Variants in AVEN observed in about 807,000 individuals in gnomAD.
The protein encoded by AVEN is cell death regulator Aven.
Under a neutral mutation model 38.1 loss-of-function variants are expected in AVEN, and 41 were observed. That is an observed-to-expected ratio of 1.08 (90% CI 0.84 to 1.40). The LOEUF (loss-of-function observed/expected upper bound fraction) is 1.40. Among genes scored for constraint, AVEN ranks in the 40% most tolerant of loss-of-function variants. The pLI is 0.00. For synonymous variants in AVEN, 206 were observed against 171.8 expected, an observed-to-expected ratio of 1.20 and a Z score of -1.56; for missense variants, 605 against 438.8, an observed-to-expected ratio of 1.38 and a Z score of -3.38.
At chr15:33,886,205 A>T (rs202048704) in intron 2 of AVEN, among the ~76,000 whole-genome samples, 285 of 152,232 alleles carry the variant, frequency 1.9e-3, no homozygotes, top group South Asian at 5.8e-3. Flanking sequence ...TAGTTCCCAT[A>T]ATCCCCACGA....
chr15:34,035,143 C>T lies in AVEN; in HGVS notation c.267+3637G>A, dbSNP rs1366713165. Among the ~76,000 whole-genome samples, 7 of 152,304 alleles carry T rather than the reference C, an allele frequency of 4.6e-5. No individual in the cohort carries two copies. In the East Asian group the frequency reaches 1.3e-3, roughly 29 times the overall value. On this transcript the variant is annotated intron_variant, in intron 1 of 5. Coordinates refer to ENST00000306730, the MANE Select transcript of AVEN (RefSeq NM_020371.3). ...CAACGCCATCGGGTATTAATTACTA[C>T]TCAGGCTTTGTTTACAAAGCAAAAG...
At chr15:34,043,188 A>G (rs911773950), upstream of AVEN, among the ~76,000 whole-genome samples, 1 of 151,000 alleles carries the variant, frequency 6.6e-6, no homozygotes, top group African/African-American at 2.4e-5. Flanking sequence ...CAGAGCTTGC[A>G]GTGAGCCGAG....
chr15:33,919,302 A>T (rs1248757373), intron 2 of AVEN, among the ~76,000 whole-genome samples: 1 of 152,206 alleles, frequency 6.6e-6, no homozygotes, highest in Non-Finnish European at 1.5e-5. Context: ...TCAATACTCC[A>T]AATTTCAATA....
At chr15:33,920,391 T>G (rs1893348910) in intron 2 of AVEN, among the ~76,000 whole-genome samples, 1 of 152,220 alleles carries the variant, frequency 6.6e-6, no homozygotes, top group Admixed American at 6.5e-5. Flanking sequence ...TCTATCAATT[T>G]GACTTCTTCA....
intron 2 of AVEN, among the ~76,000 whole-genome samples, chr15:33,890,977 TGC>T (rs1891923908): frequency 6.6e-6 from 1 of 151,992 alleles, no homozygotes; most frequent in South Asian, 2.1e-4. Flanking sequence ...AGCGTGGTGG[TGC>T]ACATGTGTAG....
chr15:33,865,198 G>T, downstream of AVEN: 1 of 1,613,534 alleles, frequency 6.2e-7, no homozygotes, highest in Admixed American at 1.7e-5. Context: ...GACTGCTTTC[G>T]TAAACAATAT....
At chr15:33,979,158 G>A (rs182557379) in intron 2 of AVEN, among the ~76,000 whole-genome samples, 2 of 152,232 alleles carry the variant, frequency 1.3e-5, no homozygotes, top group Admixed American at 1.3e-4. Context: ...AACCACAGAA[G>A]AGTCACCTCG....
chr15:33,859,653 C>A, intron 11 of AVEN: 2 of 1,613,918 alleles, frequency 1.2e-6, no homozygotes, highest in South Asian at 1.1e-5. Flanking sequence ...TGCTGGTGAT[C>A]CTTATGAAAT....
chr15:33,974,405 C>T (rs1401312547), intron 2 of AVEN, among the ~76,000 whole-genome samples: 1 of 152,190 alleles, frequency 6.6e-6, no homozygotes, highest in Non-Finnish European at 1.5e-5. Context: ...CTCCCCAAGT[C>T]ATCTCTTCTC....
intron 1 of AVEN, among the ~76,000 whole-genome samples, chr15:34,019,061 T>C (rs577370323): frequency 6.6e-6 from 1 of 152,036 alleles, no homozygotes; most frequent in Non-Finnish European, 1.5e-5. Flanking sequence ...GAGTGCTGAT[T>C]GGTGCATTTT....
chr15:33,867,893 G>C, intron 4 of AVEN, 38 bp from the exon 5 acceptor site: 2 of 1,526,512 alleles, frequency 1.3e-6, no homozygotes, highest in African/African-American at 1.4e-5. Flanking sequence ...AAAAATGTGA[G>C]TCTTGCCATA....
chr15:34,041,647 T>G (rs967049715), upstream of AVEN, among the ~76,000 whole-genome samples: 7 of 152,190 alleles, frequency 4.6e-5, no homozygotes, highest in Admixed American at 4.6e-4. Context: ...AGAGAGAGAT[T>G]GGTTTGTGGA....
chr15:33,919,716 G>C (rs540994805), intron 2 of AVEN, among the ~76,000 whole-genome samples: 3 of 152,278 alleles, frequency 2.0e-5, no homozygotes, highest in South Asian at 2.1e-4. Context: ...GCTACTTCCA[G>C]ATATGTGACA....
intron 1 of AVEN, among the ~76,000 whole-genome samples, chr15:34,023,174 G>A (rs1392264759): frequency 2.0e-5 from 3 of 151,654 alleles, no homozygotes; most frequent in Non-Finnish European, 4.4e-5. Context: ...AGCGAGACTC[G>A]GTCTCAGAAA....
chr15:34,033,411 C>T (rs1342328056), intron 1 of AVEN, among the ~76,000 whole-genome samples: 1 of 151,212 alleles, frequency 6.6e-6, no homozygotes, highest in African/African-American at 2.4e-5. Context: ...GAGGCTGAGG[C>T]AGGAGAATTG....
At chr15:33,973,599 T>C (rs768989547) in intron 2 of AVEN, among the ~76,000 whole-genome samples, 19 of 152,140 alleles carry the variant, frequency 1.2e-4, no homozygotes, top group Non-Finnish European at 2.4e-4. Flanking sequence ...CCCAGCACTC[T>C]GGGAGGCCAA....
intron 2 of AVEN, among the ~76,000 whole-genome samples, chr15:33,961,770 G>A (rs530287737): frequency 8.5e-4 from 112 of 131,644 alleles, no homozygotes; most frequent in South Asian, 4.1e-3. Context: ...CCGAGATCGC[G>A]CCACTGCACT....
At chr15:34,053,299 CAAA>C (rs71454513) in intron 5 of AVEN, among the ~76,000 whole-genome samples, 1,335 of 51,256 alleles carry the variant, frequency 0.026, 17 homozygotes, top group East Asian at 0.064. Flanking sequence ...GACTCCATCT[CAAA>C]AAAAAAAAAA....
intron 2 of AVEN, among the ~76,000 whole-genome samples, chr15:33,962,590 T>C (rs2702310): frequency 0.97 from 147,363 of 152,224 alleles, 71,458 homozygotes; most frequent in Non-Finnish European, 1. Flanking sequence ...TCATAACCTC[T>C]TGCTAATTCC....
Sources: gnomAD v4.1 joint callset for allele counts (sites outside exome capture counted in the v4.1 genomes callset) on GRCh38, gnomAD v4.1.1 for gene constraint, MANE v1.5 for transcripts, NCBI Gene and HGNC (gene_info 2026-07-23, HGNC 2026-07-21) for gene names.